Variants in SGCZ observed in about 807,000 individuals in gnomAD.
The protein encoded by SGCZ is zeta-sarcoglycan.
Under a neutral mutation model 41.3 loss-of-function variants are expected in SGCZ, and 40 were observed. The observed-to-expected ratio is 0.97, with a 90% CI of 0.75 to 1.26. The LOEUF (loss-of-function observed/expected upper bound fraction) is 1.26, where lower values mean the gene tolerates loss of function less well. Among genes scored for constraint, SGCZ ranks in the 50% most tolerant of loss-of-function variants. SGCZ has a pLI of 0.00. For synonymous variants in SGCZ, 206 were observed against 137.5 expected (o/e 1.50, Z -3.49); for missense variants, 552 against 369.8 (o/e 1.49, Z -4.04).
intron 2 of SGCZ, among the ~76,000 whole-genome samples, chr8:14,452,937 T>C (rs1800636563): frequency 6.6e-6 from 1 of 151,902 alleles, no homozygotes; most frequent in Admixed American, 6.6e-5. Context: ...ACCCAGTCTC[T>C]ACCAAAAATA....
chr8:15,209,171 A>G (rs1715944122), intron 1 of SGCZ, among the ~76,000 whole-genome samples: 1 of 152,090 alleles, frequency 6.6e-6, no homozygotes, highest in Admixed American at 6.6e-5. Flanking sequence ...TTTTAGAGCA[A>G]TAATTAAATG....
At chr8:14,860,320 T>C (rs1045180217) in intron 1 of SGCZ, among the ~76,000 whole-genome samples, 11 of 152,164 alleles carry the variant, frequency 7.2e-5, no homozygotes, top group African/African-American at 2.6e-4. Context: ...AACTACATTT[T>C]ACCTTTCTGA....
At chr8:14,718,169 C>T (rs533397565) in intron 1 of SGCZ, among the ~76,000 whole-genome samples, 1 of 151,952 alleles carries the variant, frequency 6.6e-6, no homozygotes, top group Admixed American at 6.6e-5. Context: ...CACACACACA[C>T]ACACAAACAC....
chr8:15,169,023 G>C (rs1188927346), intron 1 of SGCZ, among the ~76,000 whole-genome samples: 1 of 152,142 alleles, frequency 6.6e-6, no homozygotes, highest in Non-Finnish European at 1.5e-5. Flanking sequence ...GTTTTGTTTT[G>C]ATACATGTTT....
At chr8:14,929,489 AT>A (rs1431864397) in intron 1 of SGCZ, among the ~76,000 whole-genome samples, 1 of 150,856 alleles carries the variant, frequency 6.6e-6, no homozygotes. Flanking sequence ...TCCTATAGAC[AT>A]TAGGTGAACC....
intron 2 of SGCZ, among the ~76,000 whole-genome samples, chr8:14,485,988 T>C (rs13264160): frequency 0.96 from 145,789 of 151,858 alleles, 70,058 homozygotes; most frequent in South Asian, 0.99. Context: ...ACTACAGGCG[T>C]CCGCCACCGC....
At chr8:14,833,998 T>C (rs1452274410) in intron 1 of SGCZ, among the ~76,000 whole-genome samples, 2 of 152,158 alleles carry the variant, frequency 1.3e-5, no homozygotes, top group Admixed American at 6.5e-5. Flanking sequence ...CCTTAGTCAA[T>C]AATTCCTAAA....
intron 1 of SGCZ, among the ~76,000 whole-genome samples, chr8:15,203,039 G>T (rs1800943768): frequency 1.3e-5 from 2 of 152,050 alleles, no homozygotes; most frequent in African/African-American, 4.8e-5. Flanking sequence ...GAACCTGGGA[G>T]GTGGAAGTTG....
intron 1 of SGCZ, among the ~76,000 whole-genome samples, chr8:14,842,919 A>G (rs1305872764): frequency 1.3e-5 from 2 of 152,228 alleles, no homozygotes; most frequent in African/African-American, 4.8e-5. Flanking sequence ...TTATTCTCTT[A>G]TTAGAACCCT....
intron 2 of SGCZ, among the ~76,000 whole-genome samples, chr8:14,436,874 T>C (rs563708248): frequency 2.3e-4 from 35 of 152,320 alleles, no homozygotes; most frequent in African/African-American, 7.5e-4. Flanking sequence ...AATATGGTTA[T>C]TCAGGCTTGG....
At chr8:14,498,320 G>A (rs1802051517) in intron 2 of SGCZ, among the ~76,000 whole-genome samples, 1 of 151,978 alleles carries the variant, frequency 6.6e-6, no homozygotes. Flanking sequence ...TTATTAAAGT[G>A]TAACAACACA....
At chr8:15,004,050 C>A (rs1315500348) in intron 1 of SGCZ, among the ~76,000 whole-genome samples, 1 of 151,952 alleles carries the variant, frequency 6.6e-6, no homozygotes. Context: ...AGAGATCACC[C>A]AAAATGTGCA....
intron 6 of SGCZ, among the ~76,000 whole-genome samples, chr8:14,105,324 CTATTAA>C (rs1802170561): frequency 6.6e-6 from 1 of 152,026 alleles, no homozygotes; most frequent in Non-Finnish European, 1.5e-5. Context: ...TATTAATACT[CTATTAA>C]TAAACTTTTG....
rs186358542 is a variant in SGCZ at position 14,441,436 on chromosome 8, G to A, written c.234+113296C>T. ...CTGAAAATACAAAAATTAGTTGGGC[G>A]TGGTGGCACGCACGGGTAATCCCAA... On this transcript the variant is annotated intron_variant, in intron 2 of 7. Coordinates refer to ENST00000382080, the MANE Select transcript of SGCZ (RefSeq NM_139167.4). Among the ~76,000 whole-genome samples the A allele has an allele frequency of 3.6e-4, 55 of 152,218 alleles. No homozygotes were observed. The South Asian group carries it at 6.4e-3, about 18-fold the overall frequency.
At chr8:14,782,569 T>C (rs1800623879) in intron 1 of SGCZ, among the ~76,000 whole-genome samples, 2 of 152,118 alleles carry the variant, frequency 1.3e-5, no homozygotes, top group African/African-American at 4.8e-5. Context: ...TGGAACCACC[T>C]AAACAAGACT....
At chr8:15,138,744 T>C (rs972598473) in intron 1 of SGCZ, among the ~76,000 whole-genome samples, 2 of 152,178 alleles carry the variant, frequency 1.3e-5, no homozygotes, top group African/African-American at 2.4e-5. Flanking sequence ...CTTTTCTTTA[T>C]AAATTACCCA....
chr8:14,237,324 G>C (rs1806798426), intron 4 of SGCZ, among the ~76,000 whole-genome samples: 1 of 152,088 alleles, frequency 6.6e-6, no homozygotes, highest in African/African-American at 2.4e-5. Context: ...GGCTGTAATG[G>C]AATGTTGAGT....
chr8:14,770,377 T>C (rs1474300758), intron 1 of SGCZ, among the ~76,000 whole-genome samples: 1 of 151,512 alleles, frequency 6.6e-6, no homozygotes, highest in East Asian at 1.9e-4. Context: ...GTTGAATAAA[T>C]AGTTTTAAAA....
intron 1 of SGCZ, among the ~76,000 whole-genome samples, chr8:14,969,793 G>A (rs182977053): frequency 2.0e-5 from 3 of 152,068 alleles, no homozygotes; most frequent in Admixed American, 2.0e-4. Flanking sequence ...ACCTGTTGAT[G>A]GACATAAGTT....
Sources: allele counts gnomAD v4.1 joint callset (sites outside exome capture counted in the v4.1 genomes callset), GRCh38; gene constraint gnomAD v4.1.1; transcripts MANE v1.5; gene names NCBI Gene and HGNC (gene_info 2026-07-23, HGNC 2026-07-21).